Variants in SCAND3 observed in about 807,000 individuals in gnomAD.
The protein encoded by SCAND3 is SCAN domain-containing protein 3.
chr6:28,575,022 T>TAA, the SCAND3 span: 1 of 1,614,084 alleles, frequency 6.2e-7, no homozygotes, highest in South Asian at 1.1e-5. This position sits in a 1 kb window ranked among gnomAD's most constrained non-coding sequence, Gnocchi z 4.2. Context: ...ACTGGGCTCT[T>TAA]AAAGTATTTT....
At chr6:28,572,930 T>C in the SCAND3 span, 1 of 1,614,092 alleles carries the variant, frequency 6.2e-7, no homozygotes, top group Non-Finnish European at 8.5e-7. This position sits in a 1 kb window ranked among gnomAD's most constrained non-coding sequence, Gnocchi z 4.1. Context: ...AGTTCCTTAA[T>C]CTGGGTTACC....
chr6:28,580,803 C>T, the SCAND3 span, among the ~76,000 whole-genome samples: 10 of 125,422 alleles, frequency 8.0e-5, no homozygotes, highest in South Asian at 2.2e-3. Flanking sequence ...CACCCCCCCA[C>T]CCCCCCAAGC....
At chr6:28,589,407 G>A in the SCAND3 span, 1 of 151,934 alleles carries the variant, frequency 6.6e-6, no homozygotes, top group African/African-American at 2.4e-5. Context: ...TTAGCACTCT[G>A]GACTTTGAAT....
the SCAND3 span, chr6:28,575,084 C>A: frequency 6.2e-7 from 1 of 1,614,150 alleles, no homozygotes; most frequent in Non-Finnish European, 8.5e-7. The surrounding 1 kb of genome is among the most constrained non-coding windows in gnomAD (Gnocchi z 4.2). Context: ...AAGCTGGCAA[C>A]AAGTTCTTCA....
the SCAND3 span, chr6:28,575,582 A>T: frequency 6.2e-7 from 1 of 1,614,114 alleles, no homozygotes; most frequent in Non-Finnish European, 8.5e-7. This position sits in a 1 kb window ranked among gnomAD's most constrained non-coding sequence, Gnocchi z 4.2. Context: ...TCTACTTGGC[A>T]TCTTGAACTA....
At chr6:28,572,742 A>T in the SCAND3 span, 2 of 1,614,094 alleles carry the variant, frequency 1.2e-6, no homozygotes, top group Non-Finnish European at 1.7e-6. The surrounding 1 kb of genome is among the most constrained non-coding windows in gnomAD (Gnocchi z 4.1). Context: ...GTTGCTTATG[A>T]TCAGCTTCCA....
At chr6:28,608,137 A>C in the SCAND3 span, among the ~76,000 whole-genome samples, 1 of 152,210 alleles carries the variant, frequency 6.6e-6, no homozygotes, top group African/African-American at 2.4e-5. Flanking sequence ...GCCCGCTCCC[A>C]CTAGCTACTC....
chr6:28,574,073 GCCA>G, the SCAND3 span, among the ~76,000 whole-genome samples: 1 of 152,124 alleles, frequency 6.6e-6, no homozygotes, highest in Non-Finnish European at 1.5e-5. Context: ...GTGTGTAACT[GCCA>G]CCACATGTGA....
At chr6:28,595,329 T>TAAA in the SCAND3 span, among the ~76,000 whole-genome samples, 1 of 12,112 alleles carries the variant, frequency 8.3e-5, no homozygotes, top group African/African-American at 1.3e-3. Context: ...AAACCCAGTC[T>TAAA]CAAAAAAAAA....
At chr6:28,579,263 T>G in the SCAND3 span, 1 of 1,610,408 alleles carries the variant, frequency 6.2e-7, no homozygotes, top group Non-Finnish European at 8.5e-7. The surrounding 1 kb of genome is among the most constrained non-coding windows in gnomAD (Gnocchi z 4.5). Flanking sequence ...AGAACTAAAT[T>G]ATTCTCACCA....
chr6:28,594,990 G>A, the SCAND3 span, among the ~76,000 whole-genome samples: 3,050 of 151,782 alleles, frequency 0.02, 44 homozygotes, highest in African/African-American at 0.04. Flanking sequence ...GGTGGCTATC[G>A]ACAATAATTT....
the SCAND3 span, chr6:28,575,079 G>A: frequency 6.2e-7 from 1 of 1,614,094 alleles, no homozygotes; most frequent in Non-Finnish European, 8.5e-7. This position sits in a 1 kb window ranked among gnomAD's most constrained non-coding sequence, Gnocchi z 4.2. Context: ...TATGCAAGCT[G>A]GCAACAAGTT....
chr6:28,607,187 T>A, the SCAND3 span, among the ~76,000 whole-genome samples: 1 of 152,158 alleles, frequency 6.6e-6, no homozygotes, highest in African/African-American at 2.4e-5. Context: ...AGCGCGTGCT[T>A]AGCATGTACG....
chr6:28,589,735 G>C, the SCAND3 span: 1 of 152,026 alleles, frequency 6.6e-6, no homozygotes, highest in Admixed American at 6.6e-5. Context: ...CTGTGATGGA[G>C]ACAAACGCTT....
chr6:28,577,971 TA>T, the SCAND3 span, among the ~76,000 whole-genome samples: 1 of 152,104 alleles, frequency 6.6e-6, no homozygotes, highest in Non-Finnish European at 1.5e-5. Flanking sequence ...TCCCTTCTTT[TA>T]AAAAAACTTT....
At chr6:28,609,575 A>G in the SCAND3 span, among the ~76,000 whole-genome samples, 1 of 152,220 alleles carries the variant, frequency 6.6e-6, no homozygotes, top group African/African-American at 2.4e-5. Flanking sequence ...TGGTATTGCT[A>G]TAACACATCC....
At chr6:28,575,292 A>C in the SCAND3 span, 1 of 1,613,734 alleles carries the variant, frequency 6.2e-7, no homozygotes, top group South Asian at 1.1e-5. The surrounding 1 kb of genome is among the most constrained non-coding windows in gnomAD (Gnocchi z 4.2). Context: ...GTTCTGCAGA[A>C]CTCTGGCTTT....
chr6:28,586,618 A>G, the SCAND3 span: 6 of 1,614,020 alleles, frequency 3.7e-6, no homozygotes, highest in Non-Finnish European at 5.1e-6. This position sits in a 1 kb window ranked among gnomAD's most constrained non-coding sequence, Gnocchi z 4.4. Context: ...TCCTGATCCC[A>G]AGTGTGGTCT....
the SCAND3 span, chr6:28,575,562 G>A: frequency 1.2e-6 from 2 of 1,613,898 alleles, no homozygotes; most frequent in East Asian, 2.2e-5. This position sits in a 1 kb window ranked among gnomAD's most constrained non-coding sequence, Gnocchi z 4.2. Context: ...TCAACTGCAT[G>A]TCTATAAGAT....
Sources: gnomAD v4.1 joint callset for allele counts (sites outside exome capture counted in the v4.1 genomes callset) on GRCh38, gnomAD v4.1.1 for gene constraint, Gnocchi (gnomAD v3.1) non-coding constraint, MANE v1.5 for transcripts, NCBI Gene and HGNC (gene_info 2026-07-23, HGNC 2026-07-21) for gene names.